Variants in EXOC2 observed in about 807,000 individuals in gnomAD.
The protein encoded by EXOC2 is exocyst complex component 2.
EXOC2 carries 70 observed loss-of-function variants against 131.8 expected under a neutral mutation model. The ratio of observed to expected loss-of-function variants is 0.53; its 90% CI spans 0.44 to 0.65. The LOEUF is 0.65. Ranked by LOEUF, EXOC2 falls within the 30% of genes least tolerant of loss-of-function variation. The pLI, the probability that EXOC2 is intolerant of heterozygous loss-of-function variation, is 0.00. For synonymous variants in EXOC2, 411 were observed against 398.4 expected, an observed-to-expected ratio of 1.03 and a Z score of -0.38; for missense variants, 923 against 1,108.6, an observed-to-expected ratio of 0.83 and a Z score of 2.38.
At chr6:691,140 C>G (rs1046148160) in intron 1 of EXOC2, among the ~76,000 whole-genome samples, 1 of 152,216 alleles carries the variant, frequency 6.6e-6, no homozygotes, top group Admixed American at 6.5e-5. Context: ...CTGCTTGACA[C>G]TAGAAATATT....
chr6:505,497 A>G (rs1051635781), intron 23 of EXOC2, among the ~76,000 whole-genome samples: 2 of 152,152 alleles, frequency 1.3e-5, no homozygotes, highest in African/African-American at 4.8e-5. Flanking sequence ...TAAAACAGAG[A>G]CAACATTTAA....
intron 22 of EXOC2, among the ~76,000 whole-genome samples, chr6:542,552 T>G (rs2127556028): frequency 1.3e-5 from 2 of 152,288 alleles, no homozygotes; most frequent in Middle Eastern, 6.8e-3. Context: ...AAGGCAGTCC[T>G]AGAAAAATAC....
Position 532,603 on chromosome 6 carries a change from A to G in EXOC2, c.2246T>C (p.Met749Thr). 2 of 1,583,652 alleles carry G rather than the reference A, an allele frequency of 1.3e-6. No homozygotes were observed. The highest frequency in any genetic ancestry group is 8.6e-7 in the Non-Finnish European group (1 of 1,168,904). Residue 749 changes from methionine (M) to threonine (T), a missense_variant, in exon 23 of 28, where the codon ATG becomes ACG. Physicochemically the swap from Met to Thr is moderately conservative, Grantham distance 81. Transcript: ENST00000230449. ...TTGATCTAGTTCTTTCAATGAGGCCATGCTAACCTATAAACACATAATGAA... is the reference window on the plus strand; with the variant it reads ...TTGATCTAGTTCTTTCAATGAGGCCGTGCTAACCTATAAACACATAATGAA... The part of the protein sequence containing the change: ...QGIEKITQVS[M>T]ASLKELDQRL...
chr6:642,656 T>C (rs1762407408), intron 1 of EXOC2, among the ~76,000 whole-genome samples: 1 of 152,180 alleles, frequency 6.6e-6, no homozygotes, highest in Non-Finnish European at 1.5e-5. Flanking sequence ...AATAAACAGA[T>C]GGTTGTTCTA....
In EXOC2 at chr6:488,984, A is replaced by C. The variant is rs779641159; in HGVS notation, c.2676T>G (p.Asp892Glu). 33 of 1,614,008 alleles carry C rather than the reference A, an allele frequency of 2.0e-5. No homozygotes were observed. Among genetic ancestry groups the C allele is most frequent in the Middle Eastern group, 1.7e-4 (1 of 6,060 alleles). Residue 892 changes from aspartate (D) to glutamate (E), a missense_variant, in exon 27 of 28, where the codon GAT becomes GAG. Physicochemically the swap from Asp to Glu is conservative, Grantham distance 45 (BLOSUM62 2). Coordinates refer to ENST00000230449, the MANE Select transcript of EXOC2 (RefSeq NM_018303.6). Reference protein sequence around the residue: ...EALPQLSSGADKKLLEELLNK... With the variant: ...EALPQLSSGAEKKLLEELLNK... ...GAACAGCACACAGGACTTACTTTTTATCTGCTCCACTGGAAAGCTGGGGCA... is the reference window on the plus strand; with the variant it reads ...GAACAGCACACAGGACTTACTTTTTCTCTGCTCCACTGGAAAGCTGGGGCA...
intron 1 of EXOC2, among the ~76,000 whole-genome samples, chr6:651,155 C>CA (rs913964805): frequency 2.6e-5 from 4 of 151,866 alleles, no homozygotes; most frequent in African/African-American, 9.7e-5. Context: ...CTCAGCCTCC[C>CA]AAATAGCTGA....
At chr6:546,665 C>T (rs917901785) in intron 22 of EXOC2, among the ~76,000 whole-genome samples, 2 of 152,218 alleles carry the variant, frequency 1.3e-5, no homozygotes, top group African/African-American at 4.8e-5. Context: ...TAATTATTCA[C>T]TTCCACTTTA....
intron 6 of EXOC2, among the ~76,000 whole-genome samples, chr6:616,581 CGACAGAGCGA>C (rs1761017992): frequency 9.4e-6 from 1 of 106,614 alleles, no homozygotes; most frequent in Non-Finnish European, 1.7e-5. Context: ...CCCGCCTGGG[CGACAGAGCGA>C]AACTCCGTCT....
intron 1 of EXOC2, among the ~76,000 whole-genome samples, chr6:679,965 A>G (rs1764324940): frequency 6.6e-6 from 1 of 152,210 alleles, no homozygotes; most frequent in South Asian, 2.1e-4. Context: ...CACAGCTATT[A>G]AGTGAAAGAG....
chr6:537,501 C>T (rs748777418), intron 22 of EXOC2, among the ~76,000 whole-genome samples: 1 of 152,116 alleles, frequency 6.6e-6, no homozygotes, highest in Non-Finnish European at 1.5e-5. Flanking sequence ...ACCGACGGAG[C>T]GTACACTCGA....
chr6:563,988 A>C (rs1581446248), intron 16 of EXOC2, 45 bp downstream of exon 16: 2 of 1,598,460 alleles, frequency 1.3e-6, no homozygotes, highest in Non-Finnish European at 1.7e-6. Flanking sequence ...TGGCACATTC[A>C]GATAATCATT....
chr6:513,641 A>C (rs1764977469), intron 23 of EXOC2, among the ~76,000 whole-genome samples: 1 of 152,214 alleles, frequency 6.6e-6, no homozygotes. Context: ...ATAGGCTGTC[A>C]CACCATTTGC....
At chr6:660,581 C>T (rs184560916) in intron 1 of EXOC2, among the ~76,000 whole-genome samples, 189 of 152,288 alleles carry the variant, frequency 1.2e-3, no homozygotes, top group African/African-American at 4.4e-3. Flanking sequence ...CACAGGAAGC[C>T]ACATCCACAG....
intron 1 of EXOC2, among the ~76,000 whole-genome samples, chr6:652,312 C>T (rs1363769183): frequency 6.6e-6 from 1 of 152,142 alleles, no homozygotes; most frequent in Non-Finnish European, 1.5e-5. Context: ...TCTTAGTAAG[C>T]CAGAGGGTTC....
chr6:555,413 G>A, intron 19 of EXOC2, 125 bp from the exon 20 acceptor site: 3 of 518,598 alleles, frequency 5.8e-6, no homozygotes, highest in Non-Finnish European at 1.0e-5. Flanking sequence ...GTGGTGTTGT[G>A]TGCATGTATG....
chr6:625,786 T>C (rs953932182), intron 4 of EXOC2, among the ~76,000 whole-genome samples: 8 of 152,238 alleles, frequency 5.3e-5, no homozygotes, highest in Middle Eastern at 3.4e-3. Flanking sequence ...ATAACACCCA[T>C]GTAGAAATAA....
At position 555,945 on chromosome 6, in the gene EXOC2, T is replaced by C. The variant is rs773208531; in HGVS notation, c.1992+9A>G. On this transcript the variant is annotated intron_variant, in intron 19 of 27. Transcript: ENST00000230449. ...TGAGGCTTTCAGCATTACTGCTTTC[T>C]ATTATTACCTGCATTATATTGATGC... is the stretch of plus-strand genomic sequence containing the variant. 15 of 1,613,156 alleles carry C rather than the reference T, an allele frequency of 9.3e-6. No homozygotes were observed. The highest frequency in any genetic ancestry group is 1.2e-5 in the Non-Finnish European group (14 of 1,179,708).
At chr6:495,182 G>A (rs927716935) in intron 25 of EXOC2, among the ~76,000 whole-genome samples, 4 of 140,868 alleles carry the variant, frequency 2.8e-5, no homozygotes, top group Non-Finnish European at 4.5e-5. Context: ...CCAGACTGCA[G>A]TGGTGCGATC....
In EXOC2 at chr6:664,402, T is replaced by C. The variant is rs541451221; in HGVS notation, c.-43-26541A>G. Among the ~76,000 whole-genome samples, 38 of 149,500 alleles carry C rather than the reference T, an allele frequency of 2.5e-4. 1 individual carries two copies. In the South Asian group the frequency reaches 7.9e-3, roughly 31 times the overall value. Reference sequence around the variant, plus strand: ...GCAATCTACAAATTCCATGCAATCCTACCACCATCACTCTACACAAAATTA... The same window carrying C: ...GCAATCTACAAATTCCATGCAATCCCACCACCATCACTCTACACAAAATTA... On this transcript the variant is annotated intron_variant, in intron 1 of 27. Transcript: ENST00000230449.
Sources: allele counts gnomAD v4.1 joint callset (sites outside exome capture counted in the v4.1 genomes callset), GRCh38; gene constraint gnomAD v4.1.1; transcripts MANE v1.5; gene names NCBI Gene and HGNC (gene_info 2026-07-23, HGNC 2026-07-21).